The following CREBBP variants were observed in gnomAD, a reference collection of about 807,000 sequenced individuals.
The protein encoded by CREBBP is CREB binding lysine acetyltransferase.
CREBBP carries 19 observed loss-of-function variants against 265.0 expected under a neutral mutation model. That is an observed-to-expected ratio of 0.07 (90% CI 0.05 to 0.11). The LOEUF is 0.11. Ranked by LOEUF, CREBBP falls within the 10% of genes least tolerant of loss-of-function variation. The pLI is 1.00. For missense variants in CREBBP, 2,525 were observed against 3,219.0 expected, an observed-to-expected ratio of 0.78 and a Z score of 5.22; for synonymous variants, 1,457 against 1,223.7, an observed-to-expected ratio of 1.19 and a Z score of -3.98.
At chr16:3,838,815 C>T (rs577545562) in intron 2 of CREBBP, among the ~76,000 whole-genome samples, 1 of 152,260 alleles carries the variant, frequency 6.6e-6, no homozygotes, top group East Asian at 1.9e-4. Context: ...TCCCAAGTAG[C>T]TGGGATCACA....
At chr16:3,805,855 G>A (rs1466818184) in intron 3 of CREBBP, among the ~76,000 whole-genome samples, 1 of 152,070 alleles carries the variant, frequency 6.6e-6, no homozygotes, top group African/African-American at 2.4e-5. Context: ...GTAAAACCAC[G>A]AGTTCCAGCA....
intron 3 of CREBBP, among the ~76,000 whole-genome samples, chr16:3,794,758 T>G (rs2053575653): frequency 6.6e-6 from 1 of 152,222 alleles, no homozygotes; most frequent in South Asian, 2.1e-4. Context: ...CTTTACAAAC[T>G]ATAAGCATTC....
intron 21 of CREBBP, among the ~76,000 whole-genome samples, chr16:3,746,823 T>C (rs1307707447): frequency 6.6e-6 from 1 of 152,168 alleles, no homozygotes; most frequent in African/African-American, 2.4e-5. Context: ...TGTGTGCCTG[T>C]AGTCCCAGTT....
chr16:3,749,989 C>T (rs2052436082), intron 20 of CREBBP, among the ~76,000 whole-genome samples: 1 of 152,146 alleles, frequency 6.6e-6, no homozygotes, highest in Non-Finnish European at 1.5e-5. Flanking sequence ...CAGCCTTAAC[C>T]TCCTAGGCTC....
chr16:3,814,713 G>C (rs1002729914), intron 2 of CREBBP, among the ~76,000 whole-genome samples: 9 of 152,176 alleles, frequency 5.9e-5, no homozygotes, highest in African/African-American at 2.2e-4. Flanking sequence ...AGGTAAAAAA[G>C]ATGGCAAGTC....
chr16:3,780,733 G>T lies in CREBBP; in HGVS notation c.1822C>A (p.Leu608Ile). ...QDLRSHLVHKLVQAIFPTPDP... is the reference protein window; with the variant it reads ...QDLRSHLVHKIVQAIFPTPDP... ...TGAAACTGCAAAACTGTTACGTACA[G>T]TTTATGCACTAGATGGCTCCGCAGG... is the stretch of plus-strand genomic sequence containing the variant. The change falls in exon 8 of 31, where the codon CTC becomes ATC. Residue 608 changes from leucine (L) to isoleucine (I), a missense_variant and splice_region_variant. By Grantham distance (5) the Leu-to-Ile change is conservative (BLOSUM62 2). Around this residue, in one of 19 missense-constraint regions of CREBBP, gnomAD observed 29 missense variants for 99.9 expected, o/e 0.29. Transcript: ENST00000262367. The T allele has an allele frequency of 6.2e-7, 1 of 1,614,000 alleles. No individual in the cohort carries two copies. The highest frequency in any genetic ancestry group is 8.5e-7 in the Non-Finnish European group (1 of 1,180,036).
intron 3 of CREBBP, among the ~76,000 whole-genome samples, chr16:3,806,734 C>T (rs1045304164): frequency 6.6e-6 from 1 of 152,074 alleles, no homozygotes; most frequent in South Asian, 2.1e-4. Flanking sequence ...TGCATCACAC[C>T]CCACCCTGTA....
rs2141182358 is a variant in CREBBP, at chr16:3,767,800, A to C, written c.3170T>G (p.Val1057Gly). ...EVDEKKPEVK[V>G]EVKEEEESSS... ...ACTCTCTTCTTCCTCTTTAACTTCT[A>C]CTTTCACTTCAGGTTTCTTTTCATC... is the stretch of plus-strand genomic sequence containing the variant. The change falls in exon 16 of 31, where the codon GTA becomes GGA. Residue 1057 changes from valine to glycine, a missense_variant. Coordinates refer to ENST00000262367, the MANE Select transcript of CREBBP (RefSeq NM_004380.3). 1 of 1,614,002 alleles carries C rather than the reference A, an allele frequency of 6.2e-7. No homozygotes were observed. The highest frequency in any genetic ancestry group is 8.5e-7 in the Non-Finnish European group (1 of 1,179,952).
At chr16:3,792,859 TG>T (rs1567317360) in intron 4 of CREBBP, among the ~76,000 whole-genome samples, 1 of 151,194 alleles carries the variant, frequency 6.6e-6, no homozygotes, top group African/African-American at 2.5e-5. Flanking sequence ...CCACCCCCCC[TG>T]GGATGATACA....
intron 2 of CREBBP, among the ~76,000 whole-genome samples, chr16:3,828,024 T>C (rs1385640812): frequency 6.6e-6 from 1 of 152,106 alleles, no homozygotes; most frequent in African/African-American, 2.4e-5. Flanking sequence ...TTTAAGAAAA[T>C]TAATTATGCT....
In CREBBP at chr16:3,726,753, A is replaced by C. The variant is rs554803648; in HGVS notation, c.*965T>G. 3 of 233,548 alleles carry C rather than the reference A, an allele frequency of 1.3e-5. No individual in the cohort carries two copies. The highest frequency in any genetic ancestry group is 1.7e-5 in the Non-Finnish European group (2 of 118,042). The allele number at this position is 233,548 out of a possible 1,614,324, so 14.5% of individuals were successfully genotyped here. On this transcript the variant is annotated 3_prime_UTR_variant, in exon 31 of 31. Transcript: ENST00000262367. ...ATACAATGTTGAAAACAGCATTTTC[A>C]TAACAAAAAACCCCGAACACTAAGT...
At chr16:3,794,662 C>T (rs2053573632) in intron 3 of CREBBP, among the ~76,000 whole-genome samples, 1 of 152,228 alleles carries the variant, frequency 6.6e-6, no homozygotes, top group South Asian at 2.1e-4. Context: ...AAAGGGTTTG[C>T]TTTCAGTTGC....
At chr16:3,772,093 T>C (rs2053024526) in intron 13 of CREBBP, among the ~76,000 whole-genome samples, 1 of 152,094 alleles carries the variant, frequency 6.6e-6, no homozygotes, top group African/African-American at 2.4e-5. Flanking sequence ...TTGGGGGAGC[T>C]ACTGTACATT....
intron 1 of CREBBP, among the ~76,000 whole-genome samples, chr16:3,852,461 G>A (rs1350011475): frequency 2.0e-5 from 3 of 151,990 alleles, no homozygotes; most frequent in Non-Finnish European, 4.4e-5. Flanking sequence ...GTGAGCCACC[G>A]TGCCCGGCCG....
chr16:3,839,096 C>T (rs918750414), intron 2 of CREBBP, among the ~76,000 whole-genome samples: 1 of 152,164 alleles, frequency 6.6e-6, no homozygotes, highest in Non-Finnish European at 1.5e-5. Flanking sequence ...ATTGATAGAA[C>T]AATTCTCAAT....
At chr16:3,780,093 G>A (rs1353368625) in intron 8 of CREBBP, among the ~76,000 whole-genome samples, 1 of 151,820 alleles carries the variant, frequency 6.6e-6, no homozygotes, top group African/African-American at 2.4e-5. Flanking sequence ...AACACAAAAA[G>A]TAGCTGGGGG....
intron 1 of CREBBP, among the ~76,000 whole-genome samples, chr16:3,870,864 G>A (rs922955814): frequency 6.6e-6 from 1 of 152,060 alleles, no homozygotes; most frequent in Non-Finnish European, 1.5e-5. Context: ...AAAGTAAGCA[G>A]AAGTAGAGCC....
intron 1 of CREBBP, among the ~76,000 whole-genome samples, chr16:3,876,369 G>T (rs2055400184): frequency 1.0e-5 from 1 of 99,206 alleles, no homozygotes; most frequent in African/African-American, 4.1e-5. Flanking sequence ...TAAACAGTCT[G>T]TTGTGTGCAA....
chr16:3,802,749 C>T (rs2053743424), intron 3 of CREBBP, among the ~76,000 whole-genome samples: 1 of 151,684 alleles, frequency 6.6e-6, no homozygotes. Flanking sequence ...CAGCCAATGC[C>T]CCGGATCCAC....
Sources: gnomAD v4.1 joint callset for allele counts (sites outside exome capture counted in the v4.1 genomes callset) on GRCh38, gnomAD v4.1.1 for gene constraint, gnomAD v4.1.1 regional missense constraint, MANE v1.5 for transcripts, NCBI Gene and HGNC (gene_info 2026-07-23, HGNC 2026-07-21) for gene names.